The following SGCD variants were observed in gnomAD, a reference collection of about 807,000 sequenced individuals.
SGCD encodes delta-sarcoglycan.
Under a neutral mutation model 36.6 loss-of-function variants are expected in SGCD, and 18 were observed. The ratio of observed to expected loss-of-function variants is 0.49; its 90% CI spans 0.34 to 0.73. SGCD has a LOEUF of 0.73. Ranked by LOEUF, SGCD falls within the 30% of genes least tolerant of loss-of-function variation. The pLI is 0.01. For synonymous variants in SGCD, 133 were observed against 130.6 expected (o/e 1.02, Z -0.12); for missense variants, 387 against 346.7 (o/e 1.12, Z -0.92).
chr5:155,876,845 A>G (rs535656953), intron 1 of SGCD, among the ~76,000 whole-genome samples: 4 of 152,264 alleles, frequency 2.6e-5, no homozygotes, highest in Non-Finnish European at 4.4e-5. Flanking sequence ...CTGTGCTTCA[A>G]TGAGAAGATG....
chr5:155,729,675 C>A, the SGCD span, among the ~76,000 whole-genome samples: 1 of 152,156 alleles, frequency 6.6e-6, no homozygotes, highest in South Asian at 2.1e-4. Flanking sequence ...GCTCCCTCCC[C>A]GAGCCCCGGG....
intron 7 of SGCD, among the ~76,000 whole-genome samples, chr5:156,747,862 C>G (rs987090366): frequency 6.6e-6 from 1 of 152,140 alleles, no homozygotes; most frequent in African/African-American, 2.4e-5. Flanking sequence ...ACATGCCTGT[C>G]TTATAACCTA....
intron 4 of SGCD, among the ~76,000 whole-genome samples, chr5:156,543,068 A>G (rs1206986413): frequency 6.6e-6 from 1 of 152,210 alleles, no homozygotes; most frequent in Middle Eastern, 3.2e-3. Flanking sequence ...AAACTTCTCA[A>G]GGCAGAAGCT....
At chr5:156,553,370 A>C (rs555848006) in intron 4 of SGCD, among the ~76,000 whole-genome samples, 1 of 152,172 alleles carries the variant, frequency 6.6e-6, no homozygotes, top group Non-Finnish European at 1.5e-5. Context: ...ACTTGTTCCC[A>C]CACTTGGAAT....
At chr5:156,455,199 T>C (rs906897722) in intron 3 of SGCD, among the ~76,000 whole-genome samples, 2 of 152,140 alleles carry the variant, frequency 1.3e-5, no homozygotes, top group East Asian at 1.9e-4. Context: ...CTTTACATGA[T>C]AGGACTCATG....
chr5:156,029,366 A>G (rs1027473753), intron 1 of SGCD, among the ~76,000 whole-genome samples: 2 of 152,194 alleles, frequency 1.3e-5, no homozygotes, highest in African/African-American at 2.4e-5. Flanking sequence ...ACATACAAAC[A>G]CACAAACACA....
chr5:156,042,394 C>G (rs1017433568), intron 1 of SGCD, among the ~76,000 whole-genome samples: 1 of 152,124 alleles, frequency 6.6e-6, no homozygotes, highest in Admixed American at 6.6e-5. Context: ...CTCCACAGCC[C>G]ATGCTTAACA....
chr5:156,387,539 G>C (rs1361021711), intron 3 of SGCD, among the ~76,000 whole-genome samples: 1 of 152,180 alleles, frequency 6.6e-6, no homozygotes, highest in African/African-American at 2.4e-5. Flanking sequence ...CCTATAAGCT[G>C]AGTCAAGGGA....
intron 3 of SGCD, among the ~76,000 whole-genome samples, chr5:156,303,725 G>A (rs143172340): frequency 4.2e-4 from 63 of 151,700 alleles, no homozygotes; most frequent in Admixed American, 3.9e-4. Context: ...CTTCCGTTAT[G>A]GCCTAGGGTG....
At chr5:155,997,035 C>G (rs1044924071) in intron 1 of SGCD, among the ~76,000 whole-genome samples, 1 of 151,998 alleles carries the variant, frequency 6.6e-6, no homozygotes, top group Non-Finnish European at 1.5e-5. Flanking sequence ...CTAGCCATGA[C>G]TTTGGAAGGA....
the SGCD span, among the ~76,000 whole-genome samples, chr5:155,863,805 C>T: frequency 4.6e-5 from 7 of 152,010 alleles, no homozygotes; most frequent in South Asian, 1.5e-3. Context: ...GGTAATGTTT[C>T]TATTGTTTTT....
chr5:155,900,056 G>A (rs1756352966), intron 1 of SGCD, among the ~76,000 whole-genome samples: 2 of 152,088 alleles, frequency 1.3e-5, no homozygotes, highest in South Asian at 4.1e-4. Context: ...TCTGCTTTCT[G>A]ACTACCTATA....
intron 2 of SGCD, among the ~76,000 whole-genome samples, chr5:156,334,609 C>CTTT (rs35767339): frequency 0.035 from 3,669 of 104,934 alleles, 115 homozygotes; most frequent in African/African-American, 0.097. Flanking sequence ...GGTCTATTTT[C>CTTT]TTTTTTTTTT....
chr5:156,293,388 A>C (rs1416091036), intron 3 of SGCD, among the ~76,000 whole-genome samples: 1 of 152,122 alleles, frequency 6.6e-6, no homozygotes, highest in African/African-American at 2.4e-5. Context: ...CCAAGAAAGC[A>C]TTGCCAATTT....
intron 7 of SGCD, among the ~76,000 whole-genome samples, chr5:156,672,659 C>T (rs1462630402): frequency 6.6e-6 from 1 of 152,232 alleles, no homozygotes; most frequent in African/African-American, 2.4e-5. Flanking sequence ...TACTTCTTCT[C>T]TCTCCCTTCG....
At chr5:156,575,323 C>T (rs1307723811) in intron 4 of SGCD, among the ~76,000 whole-genome samples, 1 of 152,178 alleles carries the variant, frequency 6.6e-6, no homozygotes, top group Non-Finnish European at 1.5e-5. Flanking sequence ...ATGGTCAAGT[C>T]TCTCTCCCTA....
chr5:156,126,483 C>T (rs1473464356), intron 3 of SGCD, among the ~76,000 whole-genome samples: 3 of 152,120 alleles, frequency 2.0e-5, no homozygotes, highest in South Asian at 4.1e-4. Context: ...ACGGAGGATG[C>T]AGGGCAAAGA....
At chr5:155,947,986 TA>T (rs1757473192) in intron 1 of SGCD, among the ~76,000 whole-genome samples, 2 of 152,136 alleles carry the variant, frequency 1.3e-5, no homozygotes, top group African/African-American at 4.8e-5. Context: ...ATCATATGTT[TA>T]AAGTTCTAGC....
the SGCD span, among the ~76,000 whole-genome samples, chr5:155,848,958 T>A: frequency 6.0e-4 from 91 of 152,326 alleles, no homozygotes; most frequent in African/African-American, 2.1e-3. Flanking sequence ...TTGGTACTAT[T>A]TTCAGTATTT....
Sources: allele counts gnomAD v4.1 joint callset (sites outside exome capture counted in the v4.1 genomes callset), GRCh38; gene constraint gnomAD v4.1.1; transcripts MANE v1.5; gene names NCBI Gene and HGNC (gene_info 2026-07-23, HGNC 2026-07-21).